Variants in SLC9D1 observed in about 807,000 individuals in gnomAD.
SLC9D1 encodes the protein solute carrier family 9 member D1.
the SLC9D1 span, among the ~76,000 whole-genome samples, chr13:113,511,253 T>C: frequency 6.1e-3 from 926 of 152,360 alleles, 9 homozygotes; most frequent in African/African-American, 0.021. Context: ...GGGGTCGAAA[T>C]GTCACAGTCA....
At chr13:113,492,447 A>G in the SLC9D1 span, among the ~76,000 whole-genome samples, 2 of 152,074 alleles carry the variant, frequency 1.3e-5, no homozygotes, top group African/African-American at 2.4e-5. Context: ...TATGTGGGGA[A>G]TTTTCTTTGA....
the SLC9D1 span, among the ~76,000 whole-genome samples, chr13:113,521,287 G>A: frequency 8.6e-5 from 13 of 151,626 alleles, no homozygotes; most frequent in Non-Finnish European, 8.8e-5. Flanking sequence ...GGGTATCCAC[G>A]TGTGCGTATG....
chr13:113,507,897 G>A, the SLC9D1 span, among the ~76,000 whole-genome samples: 3 of 152,224 alleles, frequency 2.0e-5, no homozygotes, highest in Non-Finnish European at 2.9e-5. Flanking sequence ...TCTTGGCGCC[G>A]GGGGTGCCAA....
At chr13:113,510,145 C>T in the SLC9D1 span, 2 of 1,203,114 alleles carry the variant, frequency 1.7e-6, no homozygotes, top group South Asian at 1.4e-5. Context: ...AGCTCTGCCT[C>T]CTTTCCTGGA....
At chr13:113,539,370 T>A in the SLC9D1 span, 2 of 1,612,948 alleles carry the variant, frequency 1.2e-6, no homozygotes, top group South Asian at 2.2e-5. The surrounding 1 kb of genome is among the most constrained non-coding windows in gnomAD (Gnocchi z 4.8). Flanking sequence ...ACGGAGCTGC[T>A]GGACGTCTCC....
chr13:113,548,531 G>A, the SLC9D1 span: 17 of 1,493,860 alleles, frequency 1.1e-5, no homozygotes, highest in African/African-American at 8.4e-5. Flanking sequence ...TGGCGAAGGC[G>A]GCTCGGCAGC....
At chr13:113,535,051 C>G in the SLC9D1 span, 1 of 152,304 alleles carries the variant, frequency 6.6e-6, no homozygotes, top group African/African-American at 2.4e-5. The surrounding 1 kb of genome is among the most constrained non-coding windows in gnomAD (Gnocchi z 4.1). Context: ...CCACTGCACT[C>G]CAGCCTGGGC....
the SLC9D1 span, among the ~76,000 whole-genome samples, chr13:113,507,186 G>C: frequency 3.9e-5 from 6 of 152,164 alleles, no homozygotes; most frequent in Non-Finnish European, 8.8e-5. Flanking sequence ...AGCCTGTGCT[G>C]CTGTCCCCGG....
the SLC9D1 span, among the ~76,000 whole-genome samples, chr13:113,544,338 G>A: frequency 3.8e-3 from 580 of 152,326 alleles, 4 homozygotes; most frequent in African/African-American, 0.013. Context: ...GGGCTGCTGC[G>A]CCGAAGGATG....
the SLC9D1 span, chr13:113,491,103 C>T: frequency 2.0e-5 from 3 of 153,484 alleles, no homozygotes; most frequent in South Asian, 6.2e-4. Context: ...GGCCTCCCGG[C>T]CTCCCTGGTC....
the SLC9D1 span, among the ~76,000 whole-genome samples, chr13:113,523,588 C>T: frequency 6.6e-6 from 1 of 152,106 alleles, no homozygotes; most frequent in African/African-American, 2.4e-5. Context: ...GAATTCGTTC[C>T]TTGTTTTATT....
chr13:113,549,572 G>A, the SLC9D1 span: 28 of 1,613,230 alleles, frequency 1.7e-5, no homozygotes, highest in South Asian at 4.4e-5. Flanking sequence ...GAAGGGAAGC[G>A]TCTGTGGGGA....
chr13:113,493,143 A>G, the SLC9D1 span, among the ~76,000 whole-genome samples: 1 of 152,250 alleles, frequency 6.6e-6, no homozygotes, highest in Non-Finnish European at 1.5e-5. Flanking sequence ...AAATTTTAGT[A>G]TAACTACAAC....
chr13:113,495,444 C>T, the SLC9D1 span: 2 of 605,560 alleles, frequency 3.3e-6, no homozygotes, highest in Non-Finnish European at 5.7e-6. Context: ...TTATTTAATA[C>T]TCTGATCAAT....
At chr13:113,539,426 G>C in the SLC9D1 span, 1 of 1,613,658 alleles carries the variant, frequency 6.2e-7, no homozygotes, top group Non-Finnish European at 8.5e-7. This position sits in a 1 kb window ranked among gnomAD's most constrained non-coding sequence, Gnocchi z 4.8. Flanking sequence ...CTCCTCTCAG[G>C]GCCCCGTGGT....
At chr13:113,549,566 G>A in the SLC9D1 span, 3 of 1,613,402 alleles carry the variant, frequency 1.9e-6, no homozygotes, top group Non-Finnish European at 1.7e-6. Context: ...ACCGTGGAAG[G>A]GAAGCGTCTG....
the SLC9D1 span, chr13:113,510,300 G>C: frequency 6.2e-7 from 1 of 1,614,200 alleles, no homozygotes; most frequent in Non-Finnish European, 8.5e-7. Context: ...CATTTGGCTT[G>C]CTGTGGGGGC....
At chr13:113,515,735 C>CA in the SLC9D1 span, among the ~76,000 whole-genome samples, 2 of 151,530 alleles carry the variant, frequency 1.3e-5, no homozygotes, top group African/African-American at 2.4e-5. Context: ...ACTAAAAATA[C>CA]AAAAAATTAG....
the SLC9D1 span, among the ~76,000 whole-genome samples, chr13:113,496,220 CT>C: frequency 6.6e-6 from 1 of 152,236 alleles, no homozygotes. Context: ...AGAAAAATCT[CT>C]CATGTGAGGG....
Sources: gnomAD v4.1 joint callset for allele counts (sites outside exome capture counted in the v4.1 genomes callset) on GRCh38, gnomAD v4.1.1 for gene constraint, Gnocchi (gnomAD v3.1) non-coding constraint, MANE v1.5 for transcripts, NCBI Gene and HGNC (gene_info 2026-07-23, HGNC 2026-07-21) for gene names.